The following DGKI variants were observed in gnomAD, a reference collection of about 807,000 sequenced individuals.
DGKI encodes the protein diacylglycerol kinase iota.
A neutral mutation model predicts 147.5 loss-of-function variants in DGKI; 55 were observed. The observed-to-expected ratio is 0.37, with a 90% CI of 0.30 to 0.47. The LOEUF is 0.47. DGKI is among the 20% of genes least tolerant of loss of function. DGKI has a pLI of 1.00. For missense variants in DGKI, 1,007 were observed against 1,323.8 expected (o/e 0.76, Z 3.71); for synonymous variants, 469 against 477.1 (o/e 0.98, Z 0.22).
chr7:137,466,078 C>T, intron 25 of DGKI, 43 bp from the exon 26 acceptor site: 1 of 1,604,074 alleles, frequency 6.2e-7, no homozygotes, highest in Non-Finnish European at 8.5e-7. Flanking sequence ...AATAACAAAA[C>T]AAGTATTCTT....
At chr7:137,597,739 T>C (rs1225356876) in intron 12 of DGKI, 108 bp downstream of exon 12, 5 of 977,130 alleles carry the variant, frequency 5.1e-6, no homozygotes, top group South Asian at 1.4e-5. Flanking sequence ...GAGATATACA[T>C]GTGTTAGGGG....
intron 1 of DGKI, among the ~76,000 whole-genome samples, chr7:137,723,362 G>A (rs1794622621): frequency 6.6e-6 from 1 of 152,226 alleles, no homozygotes; most frequent in South Asian, 2.1e-4. Context: ...AGACACTTGT[G>A]AGAACTGGGC....
rs1811049326 is a variant in DGKI, at chr7:137,381,125, T to C, written c.*10095A>G. 6.6e-6 allele frequency: 1 copy of C among 152,230 alleles called. No individual in the cohort carries two copies. Among genetic ancestry groups the C allele is most frequent in the Non-Finnish European group, 1.5e-5 (1 of 67,992 alleles). 9.4% of individuals were successfully genotyped at this position (152,230 alleles called of 1,614,324 possible). Reference sequence around the variant, plus strand: ...AAAGTAACTGTAACTAGTCAATTTCTTTTTCAGAGATTAGTTCAGTCTCCC... The same window carrying C: ...AAAGTAACTGTAACTAGTCAATTTCCTTTTCAGAGATTAGTTCAGTCTCCC... On this transcript the variant is annotated 3_prime_UTR_variant, in exon 33 of 33. Coordinates refer to ENST00000614521, the MANE Select transcript of DGKI (RefSeq NM_001321708.2).
chr7:137,582,912 A>G (rs897858817), intron 14 of DGKI, among the ~76,000 whole-genome samples: 1 of 152,152 alleles, frequency 6.6e-6, no homozygotes, highest in African/African-American at 2.4e-5. Context: ...GTTTCCAGCT[A>G]ATTATCCGGT....
intron 2 of DGKI, among the ~76,000 whole-genome samples, chr7:137,680,470 T>G (rs1243860701): frequency 6.6e-6 from 1 of 152,156 alleles, no homozygotes; most frequent in African/African-American, 2.4e-5. Context: ...CAAAGCTTAG[T>G]ACAGCAAAGC....
rs1297007031 is a variant in DGKI, at chr7:137,387,764, G to T, written c.*3456C>A. On this transcript the variant is annotated 3_prime_UTR_variant, in exon 33 of 33. Coordinates refer to ENST00000614521, the MANE Select transcript of DGKI (RefSeq NM_001321708.2). Reference sequence around the variant, plus strand: ...GTGGTATTAAAACATTTTATAAAAAGCATGTGCCATTTTTATAATTTAAAA... The same window carrying T: ...GTGGTATTAAAACATTTTATAAAAATCATGTGCCATTTTTATAATTTAAAA... 1 of 151,914 alleles carries T rather than the reference G, an allele frequency of 6.6e-6. No individual in the cohort carries two copies. The highest frequency in any genetic ancestry group is 1.5e-5 in the Non-Finnish European group (1 of 68,006). 9.4% of individuals were successfully genotyped at this position (151,914 alleles called of 1,614,324 possible).
chr7:137,761,192 T>C (rs56308190), intron 1 of DGKI, among the ~76,000 whole-genome samples: 22,468 of 152,168 alleles, frequency 0.15, 2,951 homozygotes, highest in African/African-American at 0.35. Flanking sequence ...GAGCCAAGGT[T>C]ATGAAGAACT....
chr7:137,480,833 G>A (rs1815346853), intron 23 of DGKI, among the ~76,000 whole-genome samples: 1 of 152,012 alleles, frequency 6.6e-6, no homozygotes, highest in Non-Finnish European at 1.5e-5. Context: ...GCCCCATAAA[G>A]AATCACCCTG....
chr7:137,729,956 C>T lies in DGKI; in HGVS notation c.402-39954G>A, dbSNP rs191729393. On this transcript the variant is annotated intron_variant, in intron 1 of 32. Coordinates refer to ENST00000614521, the MANE Select transcript of DGKI (RefSeq NM_001321708.2). The stretch of plus-strand genomic sequence containing the variant: ...TTTCTACCAACACTGTGTTGACAGA[C>T]GCCTGAAGGAAAGAGTGTTGTGACT... Among the ~76,000 whole-genome samples, 20 of 152,234 alleles carry T rather than the reference C, an allele frequency of 1.3e-4. No individual in the cohort carries two copies. The East Asian group carries it at 3.3e-3, about 25-fold the overall frequency.
chr7:137,422,550 C>T (rs1473608639), intron 28 of DGKI, among the ~76,000 whole-genome samples: 1 of 149,400 alleles, frequency 6.7e-6, no homozygotes, highest in African/African-American at 2.5e-5. Flanking sequence ...TCAAAAAAAA[C>T]CAGGGAGGAG....
At chr7:137,540,629 T>G (rs192188094) in intron 20 of DGKI, among the ~76,000 whole-genome samples, 2 of 151,604 alleles carry the variant, frequency 1.3e-5, no homozygotes. Context: ...GAGGTTTCAG[T>G]GAGCTGAAAT....
chr7:137,643,290 CAAAAAAAA>C (rs10541603), intron 6 of DGKI, among the ~76,000 whole-genome samples: 3 of 61,656 alleles, frequency 4.9e-5, no homozygotes, highest in Non-Finnish European at 8.0e-5. Context: ...GACTCCGTCT[CAAAAAAAA>C]AAAAAAAAAA....
In DGKI at chr7:137,384,264, T is replaced by A. The variant is rs1026323866; in HGVS notation, c.*6956A>T. 2 of 152,068 alleles carry A rather than the reference T, an allele frequency of 1.3e-5. No individual in the cohort carries two copies. Among genetic ancestry groups the A allele is most frequent in the African/African-American group, 4.8e-5 (2 of 41,440 alleles). 9.4% of individuals were successfully genotyped at this position (152,068 alleles called of 1,614,324 possible). ...TCTTCTCTTGAAATCCACCCTGGTA[T>A]GCAAACATTAGACTTTTCTTTGCTT... On this transcript the variant is annotated 3_prime_UTR_variant, in exon 33 of 33. Coordinates refer to ENST00000614521, the MANE Select transcript of DGKI (RefSeq NM_001321708.2).
intron 7 of DGKI, among the ~76,000 whole-genome samples, chr7:137,621,705 G>T (rs1820753351): frequency 6.6e-6 from 1 of 152,228 alleles, no homozygotes; most frequent in African/African-American, 2.4e-5. Flanking sequence ...TCAGGTGAAA[G>T]TTGTCCTTTG....
At chr7:137,534,878 A>G (rs992691080) in intron 20 of DGKI, among the ~76,000 whole-genome samples, 2 of 152,140 alleles carry the variant, frequency 1.3e-5, no homozygotes, top group Non-Finnish European at 1.5e-5. Context: ...AGAAGTAATT[A>G]AGTTTAAATG....
At chr7:137,825,911 C>A (rs374258051) in intron 1 of DGKI, among the ~76,000 whole-genome samples, 149 of 152,144 alleles carry the variant, frequency 9.8e-4, no homozygotes, top group African/African-American at 3.4e-3. Flanking sequence ...ATAAAACTGC[C>A]TCTATTAAGT....
At chr7:137,735,328 C>T (rs1392282085) in intron 1 of DGKI, among the ~76,000 whole-genome samples, 2 of 152,104 alleles carry the variant, frequency 1.3e-5, no homozygotes, top group African/African-American at 4.8e-5. Context: ...TTCATTGCTT[C>T]CTTCTTTTGT....
intron 1 of DGKI, among the ~76,000 whole-genome samples, chr7:137,805,340 C>T (rs917014634): frequency 3.3e-5 from 5 of 152,094 alleles, no homozygotes; most frequent in East Asian, 1.9e-4. Flanking sequence ...CTGATTCTGG[C>T]GAGGGAGCGA....
At chr7:137,747,028 G>A (rs1431837084) in intron 1 of DGKI, among the ~76,000 whole-genome samples, 2 of 152,132 alleles carry the variant, frequency 1.3e-5, no homozygotes, top group African/African-American at 4.8e-5. Flanking sequence ...AAGCCATTTT[G>A]AGGAGAATTT....
Sources: allele counts gnomAD v4.1 joint callset (sites outside exome capture counted in the v4.1 genomes callset), GRCh38; gene constraint gnomAD v4.1.1; transcripts MANE v1.5; gene names NCBI Gene and HGNC (gene_info 2026-07-23, HGNC 2026-07-21).